GARNL3: variants seen among roughly 807,000 people sequenced by gnomAD.
The protein encoded by GARNL3 is GTPase-activating Rap/Ran-GAP domain-like protein 3.
Under a neutral mutation model 125.0 loss-of-function variants are expected in GARNL3, and 63 were observed. The observed-to-expected ratio is 0.50, with a 90% CI of 0.41 to 0.62. GARNL3 has a LOEUF of 0.62. Among genes scored for constraint, GARNL3 ranks in the 20% least tolerant of loss-of-function variants. The probability of loss-of-function intolerance (pLI) is 0.00; values close to 1 mark genes in which losing one functional copy is unlikely to be tolerated. For synonymous variants in GARNL3, 439 were observed against 457.5 expected (o/e 0.96, Z 0.52); for missense variants, 994 against 1,244.0 (o/e 0.80, Z 3.02).
rs940942117 is a variant in GARNL3 at position 127,393,528 on chromosome 9, T to C, written c.*274T>C. The C allele has an allele frequency of 4.9e-5, 12 of 243,442 alleles. No individual in the cohort carries two copies. The highest frequency in any genetic ancestry group is 1.7e-4 in the South Asian group (1 of 6,036). 15.1% of individuals were successfully genotyped at this position (243,442 alleles called of 1,614,324 possible). A position where few individuals can be genotyped will look rare whatever the true frequency, so the allele number is the denominator to read the frequency against. On this transcript the variant is annotated 3_prime_UTR_variant, in exon 28 of 28. Transcript: ENST00000373387. The stretch of plus-strand genomic sequence containing the variant: ...ATTGAAACTTTGAATAAATCAAAAA[T>C]ACTCATTCTTATTTACTGCAACCTT...
chr9:127,255,289 A>G (rs894367057), intron 2 of GARNL3, among the ~76,000 whole-genome samples: 3 of 152,250 alleles, frequency 2.0e-5, no homozygotes, highest in Non-Finnish European at 2.9e-5. Flanking sequence ...GCAGGATATC[A>G]TATAGCAGCT....
At chr9:127,283,559 A>G (rs894808238) in intron 1 of GARNL3, among the ~76,000 whole-genome samples, 7 of 152,196 alleles carry the variant, frequency 4.6e-5, no homozygotes, top group Admixed American at 2.0e-4. Flanking sequence ...GGTCCCAGCT[A>G]CTTGGGAGGC....
intron 6 of GARNL3, 147 bp downstream of exon 6, chr9:127,320,925 C>A: frequency 1.6e-6 from 1 of 615,462 alleles, no homozygotes; most frequent in South Asian, 2.0e-5. Flanking sequence ...GAACCTCACA[C>A]CTAAGGTTCT....
rs747164745 is a variant in GARNL3 at position 127,339,760 on chromosome 9, C to A, written c.1135+9C>A. ...CTTTTTGCTAGTGAAATGTAAGTTT[C>A]TGTTTTGAAACAATTTTGCAACTTG... On this transcript the variant is annotated intron_variant, in intron 13 of 27. Coordinates refer to ENST00000373387, the MANE Select transcript of GARNL3 (RefSeq NM_032293.5). 6.4e-7 allele frequency: 1 copy of A among 1,574,242 alleles called. No individual in the cohort carries two copies. The highest frequency in any genetic ancestry group is 1.1e-5 in the South Asian group (1 of 90,270).
upstream of GARNL3, among the ~76,000 whole-genome samples, chr9:127,259,994 C>T (rs1028270185): frequency 6.6e-6 from 1 of 152,342 alleles, no homozygotes; most frequent in East Asian, 1.9e-4. Flanking sequence ...GATTACACCA[C>T]TGCACTCTAG....
At chr9:127,368,550 C>T (rs951124040) in intron 22 of GARNL3, among the ~76,000 whole-genome samples, 2 of 147,302 alleles carry the variant, frequency 1.4e-5, no homozygotes, top group African/African-American at 2.5e-5. Flanking sequence ...AGGCTGGTCT[C>T]GAACTCCTGA....
At chr9:127,289,761 G>A (rs575060850) in intron 1 of GARNL3, among the ~76,000 whole-genome samples, 1 of 152,324 alleles carries the variant, frequency 6.6e-6, no homozygotes, top group Non-Finnish European at 1.5e-5. Flanking sequence ...GAAGCTGAGG[G>A]CAAAGGCTAG....
intron 22 of GARNL3, among the ~76,000 whole-genome samples, chr9:127,370,947 C>T (rs907039564): frequency 2.6e-5 from 4 of 152,212 alleles, no homozygotes; most frequent in African/African-American, 7.2e-5. Context: ...CAGCCCACTT[C>T]AGCAGCTCAA....
intron 8 of GARNL3, 72 bp downstream of exon 8, chr9:127,332,421 C>T (rs1829314064): frequency 2.5e-6 from 3 of 1,190,084 alleles, no homozygotes; most frequent in Non-Finnish European, 3.7e-6. Context: ...CCAGTTGGAG[C>T]TTAACTTGTC....
intron 21 of GARNL3, among the ~76,000 whole-genome samples, chr9:127,359,106 C>T (rs935886752): frequency 3.3e-5 from 5 of 152,126 alleles, no homozygotes; most frequent in Non-Finnish European, 5.9e-5. Context: ...CCCCACCCGC[C>T]GCCCCCCACT....
At chr9:127,343,471 T>C (rs909408591) in intron 14 of GARNL3, among the ~76,000 whole-genome samples, 4 of 152,204 alleles carry the variant, frequency 2.6e-5, no homozygotes, top group African/African-American at 9.7e-5. Flanking sequence ...TGTTAAATGT[T>C]TTCATGTACT....
chr9:127,386,289 A>G (rs1166320929), intron 24 of GARNL3, among the ~76,000 whole-genome samples: 2 of 152,236 alleles, frequency 1.3e-5, no homozygotes, highest in African/African-American at 4.8e-5. Flanking sequence ...AACTTCTTTC[A>G]GCTTCTGTAC....
At chr9:127,324,931 A>C (rs1004486444) in intron 6 of GARNL3, 138 bp from the exon 7 acceptor site, 2 of 841,376 alleles carry the variant, frequency 2.4e-6, no homozygotes, top group African/African-American at 3.5e-5. Context: ...TTTCCCCCAA[A>C]CAAAGCTCCT....
intron 1 of GARNL3, among the ~76,000 whole-genome samples, chr9:127,289,745 C>T (rs2131365908): frequency 6.6e-6 from 1 of 152,298 alleles, no homozygotes; most frequent in Non-Finnish European, 1.5e-5. Flanking sequence ...TAGAGATCAC[C>T]TCCCAGAAGC....
intron 1 of GARNL3, among the ~76,000 whole-genome samples, chr9:127,224,963 G>A (rs1362298292): frequency 1.4e-5 from 2 of 144,576 alleles, no homozygotes; most frequent in African/African-American, 5.2e-5. Context: ...TCCGGGCTGA[G>A]GGCGCGGGGG....
chr9:127,335,065 G>A (rs143582384), intron 9 of GARNL3, among the ~76,000 whole-genome samples, 165 bp from the exon 10 acceptor site: 13 of 152,350 alleles, frequency 8.5e-5, no homozygotes, highest in Non-Finnish European at 1.3e-4. Flanking sequence ...GCCTTTCCAT[G>A]TGGGGGGTTG....
intron 22 of GARNL3, among the ~76,000 whole-genome samples, chr9:127,375,060 G>A (rs1016837598): frequency 2.6e-5 from 4 of 152,210 alleles, no homozygotes; most frequent in Non-Finnish European, 4.4e-5. Flanking sequence ...TGTGTGGCTG[G>A]TGGAAATGTA....
At chr9:127,386,393 A>G (rs775467928) in intron 24 of GARNL3, among the ~76,000 whole-genome samples, 3 of 152,246 alleles carry the variant, frequency 2.0e-5, no homozygotes, top group Non-Finnish European at 4.4e-5. Flanking sequence ...AATCAAAGTC[A>G]AACTGATAGT....
In GARNL3 at chr9:127,393,273, GC is replaced by G. The variant is rs1345724113; in HGVS notation, c.*21del. 1 of 1,588,390 alleles carries G rather than the reference GC, an allele frequency of 6.3e-7. No individual in the cohort carries two copies. The highest frequency in any genetic ancestry group is 1.1e-5 in the South Asian group (1 of 90,350). On this transcript the variant is annotated 3_prime_UTR_variant, in exon 28 of 28. Coordinates refer to ENST00000373387, the MANE Select transcript of GARNL3 (RefSeq NM_032293.5). ...GAAGTAACAGAGTTGAATCTCATTT[GC>G]CATCTTTAGTTTTCTTATGGAGGTT...
Sources: allele counts gnomAD v4.1 joint callset (sites outside exome capture counted in the v4.1 genomes callset), GRCh38; gene constraint gnomAD v4.1.1; transcripts MANE v1.5; gene names NCBI Gene and HGNC (gene_info 2026-07-23, HGNC 2026-07-21).